ABCC8: variants seen among roughly 807,000 people sequenced by gnomAD.
ABCC8 encodes the protein ATP-binding cassette sub-family C member 8.
In ABCC8, 137 loss-of-function variants were observed where a neutral mutation model predicts 188.0. The ratio of observed to expected loss-of-function variants is 0.73; its 90% CI spans 0.63 to 0.84. The LOEUF is 0.84. Ranked by LOEUF, ABCC8 falls within the 40% of genes least tolerant of loss-of-function variation. The probability of loss-of-function intolerance (pLI) is 0.00; values close to 1 mark genes in which losing one functional copy is unlikely to be tolerated. For missense variants in ABCC8, 1,750 were observed against 2,072.7 expected (o/e 0.84, Z 3.02); for synonymous variants, 797 against 846.5 (o/e 0.94, Z 1.01).
rs562157059 is a variant in ABCC8, at chr11:17,404,639, G to A, written c.3430C>T (p.Arg1144Cys). The A allele has an allele frequency of 3.1e-6, 5 of 1,612,528 alleles. No homozygotes were observed. The highest frequency in any genetic ancestry group is 3.4e-6 in the Non-Finnish European group (4 of 1,179,532). ...GCTGAGACACAGAGCAGGGTGGAGC[G>A]GCTCAGGCACTCCAGCGTGGATGGG... ...HIPSTLECLS[R>C]STLLCVSALA... The change falls in exon 28 of 39, where the codon CGC (arginine) becomes TGC (cysteine). Residue 1144 changes from arginine to cysteine, a missense_variant. Physicochemically the swap from Arg to Cys is radical, Grantham distance 180 (BLOSUM62 -3). Coordinates refer to ENST00000389817, the MANE Select transcript of ABCC8 (RefSeq NM_000352.6). This position sits in a 1 kb window ranked among gnomAD's most constrained non-coding sequence, Gnocchi z 4.7.
chr11:17,463,418 G>A lies in ABCC8; in HGVS notation c.579+20C>T. On this transcript the variant is annotated intron_variant, in intron 4 of 38. Transcript: ENST00000389817. ...GAGCCTCTGCTTCCCACCCCACCCT[G>A]GCCCAGGTGGCCTGCTTACCCTCAC... 1 of 1,587,408 alleles carries A rather than the reference G, an allele frequency of 6.3e-7. No homozygotes were observed. The highest frequency in any genetic ancestry group is 8.6e-7 in the Non-Finnish European group (1 of 1,164,626).
At position 17,462,644 on chromosome 11, in the gene ABCC8, A is replaced by G. The variant is rs374331192; in HGVS notation, c.579+794T>C. 9.2e-5 allele frequency among the ~76,000 whole-genome samples: 14 copies of G among 152,370 alleles called. 1 individual carries two copies. Among genetic ancestry groups the G allele is most frequent in the Middle Eastern group, 3.4e-3 (1 of 294 alleles). On this transcript the variant is annotated intron_variant, in intron 4 of 38. Transcript: ENST00000389817. ...AAGGCAAGAACTTGGCAACAAAGTA[A>G]ATGCCCATCCATAGAGAAATAGCTG...
rs769435360 is a variant in ABCC8, at chr11:17,395,224, G to A, written c.4359C>T (p.Ala1453=). The A allele has an allele frequency of 1.3e-5, 20 of 1,598,900 alleles. 1 individual carries two copies. The South Asian group carries it at 1.9e-4, about 15-fold the overall frequency. ...RKCSDSTLWE[A]LEIAQLKLVV... is the part of the protein sequence containing the mutation. ...CCAGCTTCAGCTGGGCGATTTCCAG[G>A]GCCTCCCACAGTGTGCTATCTGAGC... The change falls in exon 36 of 39, where the codon GCC becomes GCT. Residue 1453 remains alanine, a synonymous_variant. Coordinates refer to ENST00000389817, the MANE Select transcript of ABCC8 (RefSeq NM_000352.6).
intron 12 of ABCC8, chr11:17,429,354 T>A (rs559725718): frequency 2.0e-5 from 3 of 152,818 alleles, no homozygotes; most frequent in Non-Finnish European, 4.4e-5. Context: ...GCAAGGTTAT[T>A]CTGGGGTGTA....
At chr11:17,422,623 C>A (rs953334145) in intron 16 of ABCC8, among the ~76,000 whole-genome samples, 3 of 152,178 alleles carry the variant, frequency 2.0e-5, no homozygotes, top group African/African-American at 7.2e-5. Context: ...TTAATGCACA[C>A]CTCACACTGT....
At chr11:17,412,571 T>C (rs930094346) in intron 21 of ABCC8, 95 bp downstream of exon 21, 39 of 1,466,956 alleles carry the variant, frequency 2.7e-5, no homozygotes, top group African/African-American at 2.8e-5. Context: ...GAGAGGGAGA[T>C]TGTTGGATGA....
At position 17,414,764 on chromosome 11, in the gene ABCC8, C is replaced by T. The variant is rs986917053; in HGVS notation, c.2292-154G>A. On this transcript the variant is annotated intron_variant, in intron 18 of 38. Transcript: ENST00000389817. Reference sequence around the variant, plus strand: ...CTTAGTGTGGCCTCTGGTGGCCTTGCCTTCCCCCAGGCAGGTTTGAGAGGT... The same window carrying T: ...CTTAGTGTGGCCTCTGGTGGCCTTGTCTTCCCCCAGGCAGGTTTGAGAGGT... The T allele has an allele frequency of 1.4e-4, 133 of 933,240 alleles. 1 individual carries two copies. The highest frequency in any genetic ancestry group is 2.5e-4 in the South Asian group (5 of 20,176). 57.8% of individuals were successfully genotyped at this position (933,240 alleles called of 1,614,324 possible). A position where few individuals can be genotyped will look rare whatever the true frequency, so the allele number is the denominator to read the frequency against.
At chr11:17,452,222 T>A (rs1325306214) in intron 7 of ABCC8, among the ~76,000 whole-genome samples, 1 of 152,178 alleles carries the variant, frequency 6.6e-6, no homozygotes, top group Non-Finnish European at 1.5e-5. Flanking sequence ...CTGGCTTTGA[T>A]CATCTTTCCA....
At chr11:17,440,887 G>A (rs1018365230) in intron 10 of ABCC8, among the ~76,000 whole-genome samples, 6 of 152,204 alleles carry the variant, frequency 3.9e-5, no homozygotes, top group Non-Finnish European at 7.3e-5. Context: ...CTTGGGGAGT[G>A]GGACAGCTTG....
Position 17,410,573 on chromosome 11 carries a change from G to T in ABCC8, c.2637C>A (p.Asp879Glu), listed in dbSNP as rs1198579963. ...GGGTCACTAAGACCACTGTCCTCTT[G>T]TCGTCCCGGAGCAGCTCAAGGATGC... The part of the protein sequence containing the change: ...QAGILELLRD[D>E]KRTVVLVTHK... The change falls in exon 22 of 39, where the codon GAC becomes GAA. Residue 879 changes from aspartate (D) to glutamate (E), a missense_variant. Physicochemically the swap from Asp to Glu is conservative, Grantham distance 45. Transcript: ENST00000389817. 6.2e-7 allele frequency: 1 copy of T among 1,614,084 alleles called. No homozygotes were observed. Among genetic ancestry groups the T allele is most frequent in the Middle Eastern group, 1.6e-4 (1 of 6,062 alleles).
At position 17,476,810 on chromosome 11, in the gene ABCC8, C is replaced by T; in HGVS notation, c.-34G>A. 1.4e-6 allele frequency: 2 copies of T among 1,467,790 alleles called. No homozygotes were observed. The highest frequency in any genetic ancestry group is 1.8e-6 in the Non-Finnish European group (2 of 1,112,362). 90.9% of individuals were successfully genotyped at this position (1,467,790 alleles called of 1,614,324 possible). A position where few individuals can be genotyped will look rare whatever the true frequency, so the allele number is the denominator to read the frequency against. ...GGGCGCGGGCTGGGCTCGGGCTCAG[C>T]TGGCTCCGCTGGCTCCGCGCGCCTG... On this transcript the variant is annotated 5_prime_UTR_variant, in exon 1 of 39. Transcript: ENST00000389817.
intron 36 of ABCC8, among the ~76,000 whole-genome samples, chr11:17,394,688 A>G (rs1165033833): frequency 6.6e-6 from 1 of 152,152 alleles, no homozygotes; most frequent in South Asian, 2.1e-4. Flanking sequence ...GTGTGTATGT[A>G]GGGCCTTGGT....
At chr11:17,469,091 T>C (rs1848338102) in intron 3 of ABCC8, among the ~76,000 whole-genome samples, 1 of 108,852 alleles carries the variant, frequency 9.2e-6, no homozygotes, top group East Asian at 3.2e-4. Context: ...CCCTCCTTCC[T>C]TCCTTCCTTC....
In ABCC8 at chr11:17,404,492, C is replaced by G. The variant is rs764779784; in HGVS notation, c.3557+20G>C. On this transcript the variant is annotated intron_variant, in intron 28 of 38. Transcript: ENST00000389817. This position sits in a 1 kb window ranked among gnomAD's most constrained non-coding sequence, Gnocchi z 4.7. ...GCACATTGCAAAGCACCTCCCACCCCTCACCCCTGAGGCCATCACCTGGAC... is the reference window on the plus strand; with the variant it reads ...GCACATTGCAAAGCACCTCCCACCCGTCACCCCTGAGGCCATCACCTGGAC... 60 of 1,609,464 alleles carry G rather than the reference C, an allele frequency of 3.7e-5. No homozygotes were observed. Among genetic ancestry groups the G allele is most frequent in the Non-Finnish European group, 5.1e-5 (60 of 1,175,938 alleles).
At chr11:17,466,993 T>C (rs1171750372) in intron 3 of ABCC8, among the ~76,000 whole-genome samples, 1 of 151,084 alleles carries the variant, frequency 6.6e-6, no homozygotes, top group Non-Finnish European at 1.5e-5. Context: ...CACAGAACAC[T>C]ATACTTAAAA....
rs552504755 is a variant in ABCC8, at chr11:17,402,920, G to A, written c.3558-167C>T. The A allele has an allele frequency of 5.6e-5, 14 of 248,336 alleles. No homozygotes were observed. The East Asian group carries it at 2.5e-3, about 45-fold the overall frequency. The allele number at this position is 248,336 out of a possible 1,614,324, so 15.4% of individuals were successfully genotyped here. Reference sequence around the variant, plus strand: ...GAAGACAATGCCACCAGCCCATTGAGCTTTTGTGAGCACTGAATGAGATCG... The same window carrying A: ...GAAGACAATGCCACCAGCCCATTGAACTTTTGTGAGCACTGAATGAGATCG... On this transcript the variant is annotated intron_variant, in intron 28 of 38. Coordinates refer to ENST00000389817, the MANE Select transcript of ABCC8 (RefSeq NM_000352.6).
At chr11:17,408,284 TA>T (rs2133451906) in intron 23 of ABCC8, 107 bp downstream of exon 23, 7 of 1,111,714 alleles carry the variant, frequency 6.3e-6, no homozygotes, top group Non-Finnish European at 9.3e-6. Flanking sequence ...ATCTGCCCTT[TA>T]GGGGGCTTCC....
intron 16 of ABCC8, among the ~76,000 whole-genome samples, chr11:17,417,995 G>A (rs1368248467): frequency 6.6e-6 from 1 of 152,160 alleles, no homozygotes; most frequent in African/African-American, 2.4e-5. Flanking sequence ...GGGCTCAAGC[G>A]ATCCTCCAGC....
At chr11:17,465,783 A>G (rs1038165986) in intron 3 of ABCC8, among the ~76,000 whole-genome samples, 1 of 152,100 alleles carries the variant, frequency 6.6e-6, no homozygotes, top group African/African-American at 2.4e-5. Flanking sequence ...AGGCATCATC[A>G]TGCGTCCTCT....
Sources: gnomAD v4.1 joint callset for allele counts (sites outside exome capture counted in the v4.1 genomes callset) on GRCh38, gnomAD v4.1.1 for gene constraint, Gnocchi (gnomAD v3.1) non-coding constraint, MANE v1.5 for transcripts, NCBI Gene and HGNC (gene_info 2026-07-23, HGNC 2026-07-21) for gene names.